Variants in PPHLN1 observed in about 807,000 individuals in gnomAD.
The protein encoded by PPHLN1 is periphilin-1.
PPHLN1 carries 29 observed loss-of-function variants against 51.3 expected under a neutral mutation model. The ratio of observed to expected loss-of-function variants is 0.57; its 90% CI spans 0.42 to 0.77. PPHLN1 has a LOEUF of 0.77. Among genes scored for constraint, PPHLN1 ranks in the 30% least tolerant of loss-of-function variants. The pLI, the probability that PPHLN1 is intolerant of heterozygous loss-of-function variation, is 0.00. For synonymous variants in PPHLN1, 147 were observed against 147.8 expected (o/e 0.99, Z 0.04); for missense variants, 436 against 438.4 (o/e 0.99, Z 0.05).
intron 2 of PPHLN1, among the ~76,000 whole-genome samples, chr12:42,346,219 T>C (rs1230083845): frequency 6.6e-6 from 1 of 152,206 alleles, no homozygotes; most frequent in African/African-American, 2.4e-5. Flanking sequence ...TTCCTTGACT[T>C]ACCATTCCCC....
At chr12:42,337,249 T>G (rs1159472598) in intron 2 of PPHLN1, among the ~76,000 whole-genome samples, 6 of 144,628 alleles carry the variant, frequency 4.1e-5, no homozygotes, top group Middle Eastern at 3.3e-3. Context: ...AATTGTTCTG[T>G]TTTTTTTTTT....
At position 42,336,272 on chromosome 12, in the gene PPHLN1, C is replaced by T. The variant is rs568206888; in HGVS notation, c.72+298C>T. Reference sequence around the variant, plus strand: ...TTATAAAGATTATACCATCAGTTAGCAAAGAAGTATTTGAGTACCTGCTCC... The same window carrying T: ...TTATAAAGATTATACCATCAGTTAGTAAAGAAGTATTTGAGTACCTGCTCC... On this transcript the variant is annotated intron_variant, in intron 2 of 9. Transcript: ENST00000358314. Among the ~76,000 whole-genome samples the T allele has an allele frequency of 3.9e-4, 60 of 152,268 alleles. 1 individual carries two copies. In the South Asian group the frequency reaches 0.012, roughly 30 times the overall value.
chr12:42,386,876 G>C (rs1360274282), intron 6 of PPHLN1: 1 of 152,162 alleles, frequency 6.6e-6, no homozygotes, highest in Non-Finnish European at 1.5e-5. Flanking sequence ...GTAAAGATTA[G>C]TGACTTTATC....
downstream of PPHLN1, chr12:42,446,906 C>A: frequency 2.7e-6 from 1 of 371,236 alleles, no homozygotes; most frequent in Non-Finnish European, 4.9e-6. Context: ...TTATGCCCTC[C>A]GGAAATCATG....
chr12:42,448,357 GA>G (rs1174462629), downstream of PPHLN1: 2 of 132,458 alleles, frequency 1.5e-5, no homozygotes, highest in African/African-American at 2.8e-5. Flanking sequence ...AAATCTATTT[GA>G]TTTTTTTTTT....
intron 2 of PPHLN1, among the ~76,000 whole-genome samples, chr12:42,339,639 A>C (rs769244804): frequency 6.6e-6 from 1 of 152,224 alleles, no homozygotes; most frequent in Non-Finnish European, 1.5e-5. Context: ...GTGCACTTAC[A>C]TTTGAGAATG....
At chr12:42,434,583 G>C (rs559653671) in intron 9 of PPHLN1, among the ~76,000 whole-genome samples, 1 of 152,316 alleles carries the variant, frequency 6.6e-6, no homozygotes, top group Non-Finnish European at 1.5e-5. Flanking sequence ...TCTTAACCCA[G>C]TTGGTGTCTG....
chr12:42,409,719 C>T (rs922310342), intron 9 of PPHLN1, among the ~76,000 whole-genome samples: 1 of 151,968 alleles, frequency 6.6e-6, no homozygotes. Flanking sequence ...TTGTCCTGAA[C>T]GTATCCACTC....
chr12:42,389,780 A>G (rs1042825448), intron 7 of PPHLN1, among the ~76,000 whole-genome samples: 2 of 152,142 alleles, frequency 1.3e-5, no homozygotes, highest in African/African-American at 4.8e-5. Flanking sequence ...GGGAGTTGGG[A>G]GTGTAGGCAG....
intron 9 of PPHLN1, among the ~76,000 whole-genome samples, chr12:42,429,455 T>G (rs1333918201): frequency 2.0e-5 from 3 of 152,258 alleles, no homozygotes; most frequent in African/African-American, 7.2e-5. Context: ...GATTCATTAC[T>G]GTTTAAACAC....
At position 42,375,322 on chromosome 12, in the gene PPHLN1, T is replaced by TTG. The variant is rs1456781013; in HGVS notation, c.511+249_511+250insGT. The TTG allele has an allele frequency of 5.1e-5, 16 of 312,974 alleles. No individual in the cohort carries two copies. The East Asian group carries it at 9.1e-4, about 18-fold the overall frequency. 19.4% of individuals were successfully genotyped at this position (312,974 alleles called of 1,614,324 possible). The stretch of plus-strand genomic sequence containing the variant: ...TTCTTCAGCATGTAAAAGGTTTTTT[T>TTG]TTTTTTTTTTTCAGAGTCTCGCTCT... On this transcript the variant is annotated intron_variant, in intron 5 of 9. Coordinates refer to ENST00000358314, the MANE Select transcript of PPHLN1 (RefSeq NM_201439.2).
intron 2 of PPHLN1, among the ~76,000 whole-genome samples, chr12:42,341,376 A>C (rs2071473388): frequency 6.6e-6 from 1 of 152,192 alleles, no homozygotes. Context: ...TATAAAGTGC[A>C]ACGTGAAGTG....
At chr12:42,366,129 C>A (rs2075243882) in intron 4 of PPHLN1, among the ~76,000 whole-genome samples, 1 of 147,948 alleles carries the variant, frequency 6.8e-6, no homozygotes, top group East Asian at 2.0e-4. Context: ...GATAAAACAA[C>A]AAAAAAATCC....
At chr12:42,409,720 G>A (rs999685263) in intron 9 of PPHLN1, among the ~76,000 whole-genome samples, 4 of 151,852 alleles carry the variant, frequency 2.6e-5, no homozygotes, top group Non-Finnish European at 5.9e-5. Flanking sequence ...TGTCCTGAAC[G>A]TATCCACTCC....
intron 9 of PPHLN1, among the ~76,000 whole-genome samples, chr12:42,403,337 A>G (rs888114409): frequency 4.6e-5 from 7 of 152,226 alleles, no homozygotes; most frequent in African/African-American, 1.7e-4. Flanking sequence ...CATAAGATGT[A>G]CCTCTGAAAG....
chr12:42,385,625 A>C (rs117445375), intron 6 of PPHLN1, among the ~76,000 whole-genome samples: 2 of 152,200 alleles, frequency 1.3e-5, no homozygotes, highest in African/African-American at 4.8e-5. Context: ...TGAGCCTGTA[A>C]TTATGCCTTT....
chr12:42,336,842 T>G (rs1163993752), intron 2 of PPHLN1, among the ~76,000 whole-genome samples: 2 of 152,248 alleles, frequency 1.3e-5, no homozygotes, highest in Admixed American at 1.3e-4. Context: ...AGATTCATTA[T>G]ATACCATCAA....
At chr12:42,367,611 G>T (rs1700491294) in intron 4 of PPHLN1, among the ~76,000 whole-genome samples, 1 of 152,018 alleles carries the variant, frequency 6.6e-6, no homozygotes, top group Non-Finnish European at 1.5e-5. Flanking sequence ...ATTTAGTGAG[G>T]TGATATTTTT....
chr12:42,353,088 C>CA (rs79651957), intron 3 of PPHLN1, among the ~76,000 whole-genome samples: 28,893 of 140,370 alleles, frequency 0.21, 3,100 homozygotes, highest in East Asian at 0.38. Flanking sequence ...GACTTTGTCT[C>CA]AAAAAAAAAA....
Sources: gnomAD v4.1 joint callset for allele counts (sites outside exome capture counted in the v4.1 genomes callset) on GRCh38, gnomAD v4.1.1 for gene constraint, MANE v1.5 for transcripts, NCBI Gene and HGNC (gene_info 2026-07-23, HGNC 2026-07-21) for gene names.